The following ACO1 variants were observed in gnomAD, a reference collection of about 807,000 sequenced individuals.
ACO1 encodes cytoplasmic aconitate hydratase.
A neutral mutation model predicts 105.1 loss-of-function variants in ACO1; 78 were observed. That is an observed-to-expected ratio of 0.74 (90% CI 0.62 to 0.90). ACO1 has a LOEUF of 0.90. ACO1 is among the 40% of genes least tolerant of loss of function. The pLI, the probability that ACO1 is intolerant of heterozygous loss-of-function variation, is 0.00. For synonymous variants in ACO1, 364 were observed against 397.4 expected, an observed-to-expected ratio of 0.92 and a Z score of 1.00; for missense variants, 965 against 1,111.1, an observed-to-expected ratio of 0.87 and a Z score of 1.87.
intron 19 of ACO1, among the ~76,000 whole-genome samples, chr9:32,448,647 G>GC (rs1030093709): frequency 6.6e-6 from 1 of 152,202 alleles, no homozygotes; most frequent in African/African-American, 2.4e-5. Context: ...GTGAGGTGAC[G>GC]CCCCACCCCA....
At chr9:32,398,348 C>G (rs903264162) in intron 1 of ACO1, among the ~76,000 whole-genome samples, 1 of 152,256 alleles carries the variant, frequency 6.6e-6, no homozygotes, top group East Asian at 1.9e-4. Context: ...ACAAATCTAG[C>G]TATGAGAGAT....
chr9:32,445,127 A>C (rs1294820733), intron 19 of ACO1, among the ~76,000 whole-genome samples: 2 of 152,218 alleles, frequency 1.3e-5, no homozygotes. Context: ...CTGGCCTCAT[A>C]AAATGAGTTC....
chr9:32,438,472 T>A (rs1473749525), intron 18 of ACO1, among the ~76,000 whole-genome samples: 1 of 152,188 alleles, frequency 6.6e-6, no homozygotes, highest in African/African-American at 2.4e-5. Flanking sequence ...CAGCCCAAGT[T>A]GGAACGGGAC....
At chr9:32,407,176 ATCAACTTTATAT>A in intron 2 of ACO1, 73 bp from the exon 3 acceptor site, 1 of 1,278,868 alleles carries the variant, frequency 7.8e-7, no homozygotes, top group Non-Finnish European at 1.1e-6. Flanking sequence ...GATGCCTCAT[ATCAACTTTATAT>A]AGAGATTGGC....
chr9:32,431,373 A>G (rs567405727), intron 14 of ACO1, among the ~76,000 whole-genome samples: 1 of 152,336 alleles, frequency 6.6e-6, no homozygotes, highest in East Asian at 1.9e-4. Context: ...GTCCTTGAGC[A>G]TAGTCCTGAA....
intron 15 of ACO1, among the ~76,000 whole-genome samples, chr9:32,432,438 G>C (rs1383919435): frequency 6.6e-6 from 1 of 152,158 alleles, no homozygotes; most frequent in Non-Finnish European, 1.5e-5. Context: ...TTAAATGAGG[G>C]TAGAACTGTC....
chr9:32,404,668 C>T (rs1821567915), intron 1 of ACO1, among the ~76,000 whole-genome samples: 1 of 152,192 alleles, frequency 6.6e-6, no homozygotes, highest in Non-Finnish European at 1.5e-5. Flanking sequence ...ACACAGGTCT[C>T]TTCCTGAGCC....
intron 4 of ACO1, among the ~76,000 whole-genome samples, chr9:32,409,260 GGCCTGTA>G (rs1821682228): frequency 6.6e-6 from 1 of 152,122 alleles, no homozygotes; most frequent in South Asian, 2.1e-4. Flanking sequence ...GTCCTGAGTG[GGCCTGTA>G]GCCCTTGAAG....
intron 15 of ACO1, among the ~76,000 whole-genome samples, chr9:32,432,179 A>C (rs1822253901): frequency 6.6e-6 from 1 of 152,054 alleles, no homozygotes; most frequent in Non-Finnish European, 1.5e-5. Flanking sequence ...TGGTCACTAT[A>C]TTGTGTCACT....
At chr9:32,424,527 T>A (rs1243524548) in intron 9 of ACO1, 22 bp from the exon 10 acceptor site, 3 of 1,528,418 alleles carry the variant, frequency 2.0e-6, no homozygotes, top group African/African-American at 2.8e-5. Flanking sequence ...ATTCTATAAT[T>A]TCTTTTCTTT....
rs536078689 is a variant in ACO1 at position 32,388,132 on chromosome 9, A to G, written c.-23+3397A>G. Among the ~76,000 whole-genome samples the G allele has an allele frequency of 1.8e-4, 27 of 152,298 alleles. No homozygotes were observed. The South Asian group carries it at 5.6e-3, about 32-fold the overall frequency. On this transcript the variant is annotated intron_variant, in intron 1 of 20. Coordinates refer to ENST00000309951, the MANE Select transcript of ACO1 (RefSeq NM_002197.3). ...CATCTCAGATGTTATGCTAGAATGG[A>G]TGTACCTGCAGTCTAACCCGTTGTG... is the stretch of plus-strand genomic sequence containing the variant.
intron 10 of ACO1, among the ~76,000 whole-genome samples, chr9:32,425,257 C>T (rs1268025836): frequency 6.6e-6 from 1 of 152,182 alleles, no homozygotes; most frequent in Non-Finnish European, 1.5e-5. Context: ...GTACCTAGCA[C>T]AGTATCTTAC....
Position 32,423,435 on chromosome 9 carries a change from C to CT in ACO1, c.1071+16_1071+17insT. On this transcript the variant is annotated intron_variant, in intron 9 of 20. Transcript: ENST00000309951. ...CTTCACCCAGGTATGAGAGTGCCTT[C>CT]CACTGTGCATGTATTTCCTCTTCCT... is the stretch of plus-strand genomic sequence containing the variant. 6.6e-7 allele frequency: 1 copy of CT among 1,513,154 alleles called. No homozygotes were observed. Among genetic ancestry groups the CT allele is most frequent in the African/African-American group, 1.4e-5 (1 of 72,000 alleles). 93.7% of individuals were successfully genotyped at this position (1,513,154 alleles called of 1,614,324 possible).
At chr9:32,436,480 T>C (rs1587550293) in intron 18 of ACO1, 83 bp downstream of exon 18, 1 of 1,550,014 alleles carries the variant, frequency 6.5e-7, no homozygotes, top group East Asian at 2.3e-5. Flanking sequence ...ACTCGCCTTT[T>C]GGTTTTAGTT....
intron 20 of ACO1, among the ~76,000 whole-genome samples, chr9:32,449,336 C>T (rs1822702614): frequency 6.6e-6 from 1 of 152,098 alleles, no homozygotes; most frequent in Non-Finnish European, 1.5e-5. Flanking sequence ...CCTACTGTAC[C>T]CTGTTCCCGG....
intron 19 of ACO1, among the ~76,000 whole-genome samples, chr9:32,446,675 A>G (rs1822615949): frequency 6.6e-6 from 1 of 152,152 alleles, no homozygotes; most frequent in East Asian, 1.9e-4. Context: ...AGTTTTTCAT[A>G]GCATCGATGG....
chr9:32,430,568 C>T lies in ACO1; in HGVS notation c.1720C>T (p.Pro574Ser). ...GTIRIDFEKE[P>S]LGVNAKGQQV... ...CATCAGAATCGACTTTGAGAAAGAG[C>T]CATTGGGTAAGATTTTGTTTGTGCA... Residue 574 changes from proline (P) to serine (S), a missense_variant, in exon 14 of 21, where the codon CCA (proline) becomes TCA (serine). Coordinates refer to ENST00000309951, the MANE Select transcript of ACO1 (RefSeq NM_002197.3). 1 of 1,599,484 alleles carries T rather than the reference C, an allele frequency of 6.3e-7. No homozygotes were observed. The highest frequency in any genetic ancestry group is 8.5e-7 in the Non-Finnish European group (1 of 1,173,764).
chr9:32,411,961 C>T lies in ACO1; in HGVS notation c.404+3310C>T, dbSNP rs115630357. On this transcript the variant is annotated intron_variant, in intron 4 of 20. Coordinates refer to ENST00000309951, the MANE Select transcript of ACO1 (RefSeq NM_002197.3). ...TGATCACAGTCCACTGCAGCCTTGA[C>T]CTCCTGGGCTTAAGCAATCCTCCCA... 7.6e-3 allele frequency among the ~76,000 whole-genome samples: 1,157 copies of T among 152,248 alleles called. 16 individuals are homozygous for T. The highest frequency in any genetic ancestry group is 0.027 in the African/African-American group (1,108 of 41,534).
intron 1 of ACO1, among the ~76,000 whole-genome samples, chr9:32,399,944 T>C (rs1158000324): frequency 6.7e-6 from 1 of 150,228 alleles, no homozygotes; most frequent in African/African-American, 2.4e-5. Context: ...AGCATCTATT[T>C]CTTTTATTTT....
Sources: gnomAD v4.1 joint callset for allele counts (sites outside exome capture counted in the v4.1 genomes callset) on GRCh38, gnomAD v4.1.1 for gene constraint, MANE v1.5 for transcripts, NCBI Gene and HGNC (gene_info 2026-07-23, HGNC 2026-07-21) for gene names.